The following TTL variants were observed in gnomAD, a reference collection of about 807,000 sequenced individuals.
TTL encodes the protein tubulin--tyrosine ligase.
Under a neutral mutation model 41.1 loss-of-function variants are expected in TTL, and 10 were observed. That is an observed-to-expected ratio of 0.24 (90% CI 0.15 to 0.41). TTL has a LOEUF of 0.41. Among genes scored for constraint, TTL ranks in the 10% least tolerant of loss-of-function variants. The probability of loss-of-function intolerance (pLI) is 1.00; values close to 1 mark genes in which losing one functional copy is unlikely to be tolerated. For synonymous variants in TTL, 175 were observed against 175.5 expected (o/e 1.00, Z 0.02); for missense variants, 367 against 460.4 (o/e 0.80, Z 1.86).
intron 2 of TTL, among the ~76,000 whole-genome samples, chr2:112,491,366 A>G (rs1005316985): frequency 2.0e-5 from 3 of 152,202 alleles, no homozygotes; most frequent in Non-Finnish European, 2.9e-5. Flanking sequence ...CAAAACACCC[A>G]AAGTATTAAT....
intron 4 of TTL, among the ~76,000 whole-genome samples, chr2:112,502,208 C>T (rs1681719223): frequency 6.6e-6 from 1 of 152,208 alleles, no homozygotes; most frequent in African/African-American, 2.4e-5. Flanking sequence ...GACTCTGTCT[C>T]CTTGATTGCT....
rs56380377 is a variant in TTL, at chr2:112,510,828, A to G, written c.875+7647A>G. Reference sequence around the variant, plus strand: ...ATTAAAATATTTTCTAATTTCCCTTATAATTTTATCTTTGATTCATGTGAT... The same window carrying G: ...ATTAAAATATTTTCTAATTTCCCTTGTAATTTTATCTTTGATTCATGTGAT... On this transcript the variant is annotated intron_variant, in intron 5 of 6. Transcript: ENST00000233336. 6.7e-3 allele frequency among the ~76,000 whole-genome samples: 1,018 copies of G among 152,186 alleles called. 11 individuals carry two copies. Among genetic ancestry groups the G allele is most frequent in the African/African-American group, 0.023 (962 of 41,530 alleles).
At chr2:112,483,180 C>T (rs1351407910) in intron 1 of TTL, 1 of 152,278 alleles carries the variant, frequency 6.6e-6, no homozygotes, top group Non-Finnish European at 1.5e-5. Context: ...CTGCGTTCGC[C>T]CTCCCTGTCT....
In TTL at chr2:112,526,503, T is replaced by G. The variant is rs531965056; in HGVS notation, c.1020-2178T>G. 9.2e-4 allele frequency among the ~76,000 whole-genome samples: 140 copies of G among 152,040 alleles called. 3 individuals are homozygous for G. The highest frequency in any genetic ancestry group is 3.4e-3 in the Middle Eastern group (1 of 294). ...CTATTCAGGGATTCAACTTCTTCCT[T>G]GTTTAGTCTTGGGAGGGTGTATGTG... On this transcript the variant is annotated intron_variant, in intron 6 of 6. Transcript: ENST00000233336.
chr2:112,511,681 C>T (rs1681922470), intron 5 of TTL, among the ~76,000 whole-genome samples: 1 of 151,878 alleles, frequency 6.6e-6, no homozygotes, highest in Admixed American at 6.6e-5. Context: ...CCTCCCACCT[C>T]AGCCTCCTGA....
At chr2:112,520,130 CAAAAAAAAAAAA>C (rs34238996) in intron 5 of TTL, 140 bp from the exon 6 acceptor site, 7 of 506,062 alleles carry the variant, frequency 1.4e-5, no homozygotes, top group African/African-American at 6.3e-5. Flanking sequence ...AACTCCGTCT[CAAAAAAAAAAAA>C]AAAAAAAAGG....
At chr2:112,515,861 C>T (rs1206120184) in intron 5 of TTL, among the ~76,000 whole-genome samples, 7 of 152,006 alleles carry the variant, frequency 4.6e-5, no homozygotes, top group South Asian at 2.1e-4. Context: ...GAAGGAGATT[C>T]GCTTGAACCC....
At chr2:112,487,611 C>T (rs1162710902) in intron 2 of TTL, among the ~76,000 whole-genome samples, 1 of 152,106 alleles carries the variant, frequency 6.6e-6, no homozygotes, top group Non-Finnish European at 1.5e-5. Flanking sequence ...ATATCTGTGA[C>T]CTTGGAGAGC....
chr2:112,528,861 T>G lies in TTL; in HGVS notation c.*66T>G, dbSNP rs556817042. Reference sequence around the variant, plus strand: ...CTGCTCCAGGGAATGGTGAAATGACTGGATTGCTCTTTATCCAGCCCACAG... The same window carrying G: ...CTGCTCCAGGGAATGGTGAAATGACGGGATTGCTCTTTATCCAGCCCACAG... On this transcript the variant is annotated 3_prime_UTR_variant, in exon 7 of 7. Transcript: ENST00000233336. 7.8e-7 allele frequency: 1 copy of G among 1,281,736 alleles called. No homozygotes were observed. The highest frequency in any genetic ancestry group is 2.3e-5 in the East Asian group (1 of 43,328). 79.4% of individuals were successfully genotyped at this position (1,281,736 alleles called of 1,614,324 possible). A position where few individuals can be genotyped will look rare whatever the true frequency, so the allele number is the denominator to read the frequency against.
Position 112,532,697 on chromosome 2 carries a change from TAATA to T in TTL, c.*3906_*3909del, listed in dbSNP as rs1178645399. 1.7e-5 allele frequency: 3 copies of T among 177,558 alleles called. No individual in the cohort carries two copies. The highest frequency in any genetic ancestry group is 4.7e-5 in the African/African-American group (2 of 42,256). The allele number at this position is 177,558 out of a possible 1,614,324, so 11.0% of individuals were successfully genotyped here. On this transcript the variant is annotated 3_prime_UTR_variant, in exon 7 of 7. Coordinates refer to ENST00000233336, the MANE Select transcript of TTL (RefSeq NM_153712.5). ...GACAGACTTTCTGTAAAAGGCCAGA[TAATA>T]AATCTGCTAGGCTTTGCAAACCATG... is the stretch of plus-strand genomic sequence containing the variant.
chr2:112,485,348 T>C (rs1681213130), intron 1 of TTL, among the ~76,000 whole-genome samples: 2 of 152,172 alleles, frequency 1.3e-5, no homozygotes, highest in Admixed American at 1.3e-4. Flanking sequence ...CTGTTGAAAA[T>C]GAGTTTCCCC....
intron 5 of TTL, among the ~76,000 whole-genome samples, chr2:112,509,643 A>C (rs1181996063): frequency 6.6e-6 from 1 of 152,158 alleles, no homozygotes; most frequent in African/African-American, 2.4e-5. Context: ...TGCGCTTCCC[A>C]GGTGAGGCAA....
At chr2:112,501,939 T>G (rs905470218) in intron 4 of TTL, among the ~76,000 whole-genome samples, 2 of 152,086 alleles carry the variant, frequency 1.3e-5, no homozygotes, top group Non-Finnish European at 2.9e-5. Flanking sequence ...AAATGTATGG[T>G]CTTGCTCATG....
chr2:112,512,507 C>T lies in TTL; in HGVS notation c.876-7775C>T, dbSNP rs530249242. The stretch of plus-strand genomic sequence containing the variant: ...TCGATCTCCTGACCTCGTGATCCGT[C>T]CACCTCGGCCTCCCAAAGTGCTGGG... On this transcript the variant is annotated intron_variant, in intron 5 of 6. Coordinates refer to ENST00000233336, the MANE Select transcript of TTL (RefSeq NM_153712.5). Among the ~76,000 whole-genome samples the T allele has an allele frequency of 2.0e-5, 3 of 152,252 alleles. No homozygotes were observed. In the South Asian group the frequency reaches 6.2e-4, roughly 32 times the overall value.
At chr2:112,510,705 A>T (rs933374397) in intron 5 of TTL, among the ~76,000 whole-genome samples, 3 of 152,110 alleles carry the variant, frequency 2.0e-5, no homozygotes, top group Admixed American at 6.6e-5. Context: ...TTTCTTTTTT[A>T]AAAAAATAAA....
chr2:112,515,237 G>C (rs553555018), intron 5 of TTL, among the ~76,000 whole-genome samples: 15 of 152,130 alleles, frequency 9.9e-5, no homozygotes, highest in African/African-American at 3.6e-4. Context: ...GCTGCATATG[G>C]CCTGTAGCTT....
rs1682572879 is a variant in TTL at position 112,534,991 on chromosome 2, A to C, written c.*6196A>C. ...GAAGAAAGAGAAAGGAAAGAAAGGCAGGCAGAAAGAAGGAGAAAGGGAGGG... is the reference window on the plus strand; with the variant it reads ...GAAGAAAGAGAAAGGAAAGAAAGGCCGGCAGAAAGAAGGAGAAAGGGAGGG... On this transcript the variant is annotated 3_prime_UTR_variant, in exon 7 of 7. Coordinates refer to ENST00000233336, the MANE Select transcript of TTL (RefSeq NM_153712.5). 2 of 139,798 alleles carry C rather than the reference A, an allele frequency of 1.4e-5. No homozygotes were observed. Among genetic ancestry groups the C allele is most frequent in the African/African-American group, 5.1e-5 (2 of 39,112 alleles). 8.7% of individuals were successfully genotyped at this position (139,798 alleles called of 1,614,324 possible).
In TTL at chr2:112,503,185, A is replaced by G; in HGVS notation, c.875+4A>G. The G allele has an allele frequency of 6.4e-7, 1 of 1,573,852 alleles. No homozygotes were observed. Among genetic ancestry groups the G allele is most frequent in the Non-Finnish European group, 8.6e-7 (1 of 1,158,348 alleles). On this transcript the variant is annotated splice_donor_region_variant and intron_variant, in intron 5 of 6. Coordinates refer to ENST00000233336, the MANE Select transcript of TTL (RefSeq NM_153712.5). ...TACAAATCAAACATATAATAAGGTA[A>G]CTTAATTGTATCTTTTTGGATTACG...
intron 5 of TTL, among the ~76,000 whole-genome samples, chr2:112,511,653 C>G (rs1473118952): frequency 1.3e-5 from 2 of 152,010 alleles, no homozygotes; most frequent in Non-Finnish European, 2.9e-5. Flanking sequence ...CAACCTCTGC[C>G]TCCCAGGCTC....
Sources: allele counts gnomAD v4.1 joint callset (sites outside exome capture counted in the v4.1 genomes callset), GRCh38; gene constraint gnomAD v4.1.1; transcripts MANE v1.5; gene names NCBI Gene and HGNC (gene_info 2026-07-23, HGNC 2026-07-21).